The following PTGIS variants were observed in gnomAD, a reference collection of about 807,000 sequenced individuals.
PTGIS encodes prostaglandin I2 synthase.
Under a neutral mutation model 50.3 loss-of-function variants are expected in PTGIS, and 45 were observed. The ratio of observed to expected loss-of-function variants is 0.90; its 90% CI spans 0.70 to 1.15. The LOEUF (loss-of-function observed/expected upper bound fraction) is 1.15, where lower values mean the gene tolerates loss of function less well. Ranked by LOEUF, PTGIS falls within the 50% of genes most tolerant of loss-of-function variation. The pLI is 0.00. For synonymous variants in PTGIS, 260 were observed against 267.7 expected, an observed-to-expected ratio of 0.97 and a Z score of 0.28; for missense variants, 668 against 661.3, an observed-to-expected ratio of 1.01 and a Z score of -0.11.
At position 49,524,147 on chromosome 20, in the gene PTGIS, G is replaced by A; in HGVS notation, c.766C>T (p.Leu256=). 6.2e-7 allele frequency: 1 copy of A among 1,614,218 alleles called. No individual in the cohort carries two copies. The highest frequency in any genetic ancestry group is 8.5e-7 in the Non-Finnish European group (1 of 1,180,048). Residue 256 remains leucine (L), a synonymous_variant, in exon 6 of 10, where the codon CTG becomes TTG. Transcript: ENST00000244043. ...LARRAHRSKW[L]ESYLLHLEEM... is the part of the protein sequence containing the mutation. Reference sequence around the variant, plus strand: ...TCCAGGTGCAGCAGGTAACTCTCCAGCCATTTGCTCCGGTGGGCCCGCCTG... The same window carrying A: ...TCCAGGTGCAGCAGGTAACTCTCCAACCATTTGCTCCGGTGGGCCCGCCTG...
At chr20:49,526,983 A>G (rs913102438) in intron 5 of PTGIS, among the ~76,000 whole-genome samples, 1 of 152,250 alleles carries the variant, frequency 6.6e-6, no homozygotes, top group African/African-American at 2.4e-5. Flanking sequence ...TATAGCCCAA[A>G]GAACTGAAAC....
chr20:49,519,508 C>T (rs1981589022), intron 6 of PTGIS, among the ~76,000 whole-genome samples: 1 of 152,004 alleles, frequency 6.6e-6, no homozygotes, highest in African/African-American at 2.4e-5. Flanking sequence ...CTCCTCCTCA[C>T]CCTTCCCACC....
At chr20:49,555,435 T>C (rs951840847) in intron 1 of PTGIS, among the ~76,000 whole-genome samples, 2 of 152,198 alleles carry the variant, frequency 1.3e-5, no homozygotes, top group Non-Finnish European at 2.9e-5. Flanking sequence ...AAATAGTCAA[T>C]TCAGTCCTTT....
At chr20:49,567,848 G>A (rs1255108246) in intron 1 of PTGIS, among the ~76,000 whole-genome samples, 195 bp downstream of exon 1, 2 of 152,206 alleles carry the variant, frequency 1.3e-5, no homozygotes, top group Non-Finnish European at 2.9e-5. Flanking sequence ...CACCTTCTTG[G>A]CAGGGGGAGC....
Position 49,507,497 on chromosome 20 carries a change from C to T in PTGIS, c.*423G>A, listed in dbSNP as rs5590. On this transcript the variant is annotated 3_prime_UTR_variant, in exon 10 of 10. Transcript: ENST00000244043. ...TGGACACAAAGGACATCCTGAGTGG[C>T]CTTTCTGTGGCCAGCATCCGCTTTG... 1.0e-3 allele frequency: 311 copies of T among 309,758 alleles called. No homozygotes were observed. Among genetic ancestry groups the T allele is most frequent in the African/African-American group, 6.6e-3 (304 of 46,402 alleles). 19.2% of individuals were successfully genotyped at this position (309,758 alleles called of 1,614,324 possible).
At chr20:49,512,968 G>A in intron 8 of PTGIS, 112 bp downstream of exon 8, 1 of 1,336,378 alleles carries the variant, frequency 7.5e-7, no homozygotes, top group Admixed American at 1.9e-5. Context: ...TCTGGGCAAT[G>A]TCACATAGCA....
At chr20:49,513,344 G>C (rs1981378908) in intron 7 of PTGIS, 83 bp from the exon 8 acceptor site, 1 of 1,484,714 alleles carries the variant, frequency 6.7e-7, no homozygotes, top group East Asian at 2.4e-5. Context: ...ATTTTACAGA[G>C]GAAGATGAAG....
chr20:49,538,806 C>T (rs896162903), intron 5 of PTGIS, among the ~76,000 whole-genome samples: 4 of 151,906 alleles, frequency 2.6e-5, no homozygotes, highest in African/African-American at 9.7e-5. Context: ...CTCAGCTTCC[C>T]GAGTAGCCAG....
chr20:49,531,658 T>G (rs1981939655), intron 5 of PTGIS, among the ~76,000 whole-genome samples: 1 of 152,204 alleles, frequency 6.6e-6, no homozygotes, highest in East Asian at 1.9e-4. Flanking sequence ...GACAAGGTCT[T>G]GCTCTGTCAC....
intron 1 of PTGIS, among the ~76,000 whole-genome samples, chr20:49,566,792 G>A (rs1225122703): frequency 2.0e-5 from 3 of 152,168 alleles, no homozygotes; most frequent in South Asian, 2.1e-4. Context: ...AAGGCAATGT[G>A]GTAACTTGGG....
In PTGIS at chr20:49,540,677, G is replaced by A. The variant is rs541633202; in HGVS notation, c.522-956C>T. Among the ~76,000 whole-genome samples, 8 of 152,018 alleles carry A rather than the reference G, an allele frequency of 5.3e-5. No homozygotes were observed. Among genetic ancestry groups the A allele is most frequent in the Non-Finnish European group, 8.8e-5 (6 of 67,980 alleles). Reference sequence around the variant, plus strand: ...GAGGCACACTTACGCACACGCACACGCACACACACAGGACCACGCTCAGAG... The same window carrying A: ...GAGGCACACTTACGCACACGCACACACACACACACAGGACCACGCTCAGAG... On this transcript the variant is annotated intron_variant, in intron 4 of 9. Transcript: ENST00000244043. This position sits in a 1 kb window ranked among gnomAD's most constrained non-coding sequence, Gnocchi z 4.8.
At chr20:49,518,922 C>T (rs1289366113) in intron 6 of PTGIS, among the ~76,000 whole-genome samples, 1 of 152,164 alleles carries the variant, frequency 6.6e-6, no homozygotes, top group Non-Finnish European at 1.5e-5. Context: ...CAGGACCACC[C>T]AGGAATTTCC....
rs117519735 is a variant in PTGIS at position 49,523,998 on chromosome 20, C to T, written c.855+60G>A. ...GTGCACAGACATGCACACACACATG[C>T]GTTCATATCGCAACCACACATGCAC... On this transcript the variant is annotated intron_variant, in intron 6 of 9. Coordinates refer to ENST00000244043, the MANE Select transcript of PTGIS (RefSeq NM_000961.4). The T allele has an allele frequency of 1.7e-4, 272 of 1,585,870 alleles. No homozygotes were observed. In the East Asian group the frequency reaches 4.8e-3, roughly 28 times the overall value.
chr20:49,558,821 C>T (rs1982688306), intron 1 of PTGIS, among the ~76,000 whole-genome samples: 1 of 151,776 alleles, frequency 6.6e-6, no homozygotes, highest in African/African-American at 2.4e-5. Flanking sequence ...TCAAGTGATT[C>T]TCCTGCCTCA....
chr20:49,517,781 G>A (rs577574570), intron 6 of PTGIS, among the ~76,000 whole-genome samples: 18 of 152,270 alleles, frequency 1.2e-4, no homozygotes, highest in South Asian at 2.1e-4. Flanking sequence ...TCCGCTGCCC[G>A]CTCCTGCCTG....
intron 2 of PTGIS, 71 bp downstream of exon 2, chr20:49,549,995 G>A: frequency 6.2e-7 from 1 of 1,607,864 alleles, no homozygotes; most frequent in South Asian, 1.1e-5. Flanking sequence ...TATGTTGAAG[G>A]AATCAACAGA....
chr20:49,550,537 T>G (rs527917950), intron 1 of PTGIS, among the ~76,000 whole-genome samples: 3 of 152,354 alleles, frequency 2.0e-5, no homozygotes, highest in Non-Finnish European at 4.4e-5. Context: ...AGACCTAGCT[T>G]AGATACTTTT....
rs1981081951 is a variant in PTGIS at position 49,504,364 on chromosome 20, T to A, written c.*3556A>T. On this transcript the variant is annotated 3_prime_UTR_variant, in exon 10 of 10. Transcript: ENST00000244043. ...GCAGTGAGTGATACATGTTATCCAC[T>A]ATTGGCAGCAATTGGGGGGAAAAAA... 6.6e-6 allele frequency: 1 copy of A among 152,218 alleles called. No individual in the cohort carries two copies. Among genetic ancestry groups the A allele is most frequent in the Admixed American group, 6.5e-5 (1 of 15,284 alleles). 9.4% of individuals were successfully genotyped at this position (152,218 alleles called of 1,614,324 possible). A position where few individuals can be genotyped will look rare whatever the true frequency, so the allele number is the denominator to read the frequency against.
At chr20:49,539,797 A>T in intron 4 of PTGIS, 76 bp from the exon 5 acceptor site, 1 of 1,525,588 alleles carries the variant, frequency 6.6e-7, no homozygotes, top group Non-Finnish European at 8.9e-7. Flanking sequence ...CAAGAGCTTC[A>T]TTCATACACC....
Sources: gnomAD v4.1 joint callset for allele counts (sites outside exome capture counted in the v4.1 genomes callset) on GRCh38, gnomAD v4.1.1 for gene constraint, Gnocchi (gnomAD v3.1) non-coding constraint, MANE v1.5 for transcripts, NCBI Gene and HGNC (gene_info 2026-07-23, HGNC 2026-07-21) for gene names.